FSTL4: variants seen among roughly 807,000 people sequenced by gnomAD.
The protein encoded by FSTL4 is follistatin like 4.
FSTL4 carries 28 observed loss-of-function variants against 78.2 expected under a neutral mutation model. That is an observed-to-expected ratio of 0.36 (90% confidence interval 0.27 to 0.49). The LOEUF is 0.49. Ranked by LOEUF, FSTL4 falls within the 20% of genes least tolerant of loss-of-function variation. FSTL4 has a pLI of 0.98. For synonymous variants in FSTL4, 422 were observed against 440.5 expected (o/e 0.96, Z 0.53); for missense variants, 922 against 1,084.9 (o/e 0.85, Z 2.11).
the FSTL4 span, among the ~76,000 whole-genome samples, chr5:133,792,822 T>C: frequency 6.6e-6 from 1 of 152,124 alleles, no homozygotes; most frequent in African/African-American, 2.4e-5. Flanking sequence ...TTTTATTTGC[T>C]CATAAACATT....
chr5:133,744,063 G>T, the FSTL4 span, among the ~76,000 whole-genome samples: 1 of 152,208 alleles, frequency 6.6e-6, no homozygotes. Flanking sequence ...TCAGTTCCTG[G>T]ATCAGTCCTC....
chr5:133,651,292 G>A, the FSTL4 span, among the ~76,000 whole-genome samples: 1 of 152,100 alleles, frequency 6.6e-6, no homozygotes, highest in Admixed American at 6.5e-5. Context: ...GTGGTGAGAG[G>A]GGACATCCTT....
intron 6 of FSTL4, among the ~76,000 whole-genome samples, chr5:133,275,147 A>G (rs1469799506): frequency 6.6e-6 from 1 of 151,992 alleles, no homozygotes; most frequent in African/African-American, 2.4e-5. Flanking sequence ...GCTTGTAATC[A>G]CAGCTATTCG....
At chr5:133,325,083 G>A (rs1027367070) in intron 4 of FSTL4, among the ~76,000 whole-genome samples, 3 of 152,226 alleles carry the variant, frequency 2.0e-5, no homozygotes, top group Non-Finnish European at 2.9e-5. Context: ...TTCTGGAGAG[G>A]AGGAGGAAAG....
chr5:133,263,713 G>T (rs925649262), intron 6 of FSTL4, among the ~76,000 whole-genome samples: 4 of 152,198 alleles, frequency 2.6e-5, no homozygotes, highest in African/African-American at 9.7e-5. Context: ...GTAGACAGAA[G>T]GTCAAGGATA....
intron 7 of FSTL4, chr5:133,247,345 G>A (rs1752071102): frequency 6.6e-6 from 1 of 152,218 alleles, no homozygotes; most frequent in Non-Finnish European, 1.5e-5. Context: ...TTGAGGGAGA[G>A]GAAGACCACT....
intron 3 of FSTL4, among the ~76,000 whole-genome samples, chr5:133,463,788 C>T (rs746700860): frequency 4.6e-5 from 7 of 152,068 alleles, no homozygotes; most frequent in South Asian, 2.1e-4. Flanking sequence ...GGAGAGAGAA[C>T]GAATACAAGT....
intron 3 of FSTL4, among the ~76,000 whole-genome samples, chr5:133,446,639 C>T (rs1277918115): frequency 9.2e-5 from 14 of 152,202 alleles, no homozygotes; most frequent in Non-Finnish European, 1.3e-4. Flanking sequence ...CGGGGCCCTC[C>T]GCAGGTGGGA....
At chr5:133,381,626 T>C (rs1230521226) in intron 4 of FSTL4, among the ~76,000 whole-genome samples, 1 of 152,200 alleles carries the variant, frequency 6.6e-6, no homozygotes, top group Admixed American at 6.5e-5. Flanking sequence ...AAAACACGGC[T>C]CTTGTCTTCA....
intron 2 of FSTL4, among the ~76,000 whole-genome samples, chr5:133,600,574 A>G (rs1255920092): frequency 6.6e-6 from 1 of 152,160 alleles, no homozygotes; most frequent in East Asian, 1.9e-4. Context: ...ATTTCTTTTT[A>G]TCTATGTCTG....
At chr5:133,522,933 G>A (rs897041572) in intron 3 of FSTL4, among the ~76,000 whole-genome samples, 1 of 152,154 alleles carries the variant, frequency 6.6e-6, no homozygotes, top group Non-Finnish European at 1.5e-5. Flanking sequence ...TTAAGGCATC[G>A]GAAAAAGTGT....
At chr5:133,779,897 T>C in the FSTL4 span, among the ~76,000 whole-genome samples, 4 of 152,154 alleles carry the variant, frequency 2.6e-5, no homozygotes, top group South Asian at 4.2e-4. Context: ...AGGGAAGTGT[T>C]CCCATGAAAA....
intron 14 of FSTL4, among the ~76,000 whole-genome samples, chr5:133,207,041 G>GCCTACAACA (rs1365855804): frequency 1.3e-5 from 2 of 152,010 alleles, no homozygotes; most frequent in African/African-American, 2.4e-5. Flanking sequence ...AGAAAATATA[G>GCCTACAACA]CCTACAACAT....
In FSTL4 at chr5:133,400,724, G is replaced by C. The variant is rs1355591293; in HGVS notation, c.409+14C>G. On this transcript the variant is annotated intron_variant, in intron 4 of 15. Coordinates refer to ENST00000265342, the MANE Select transcript of FSTL4 (RefSeq NM_015082.2). Reference sequence around the variant, plus strand: ...ACAAAACCCAAAACCACAGGGCAAGGGCCCTGTTCCTACCTTTGAGGAAAC... The same window carrying C: ...ACAAAACCCAAAACCACAGGGCAAGCGCCCTGTTCCTACCTTTGAGGAAAC... 1 of 1,610,170 alleles carries C rather than the reference G, an allele frequency of 6.2e-7. No individual in the cohort carries two copies. Among genetic ancestry groups the C allele is most frequent in the Non-Finnish European group, 8.5e-7 (1 of 1,176,816 alleles).
intron 3 of FSTL4, among the ~76,000 whole-genome samples, chr5:133,480,108 C>T (rs1000859543): frequency 2.0e-5 from 3 of 152,186 alleles, no homozygotes; most frequent in Non-Finnish European, 2.9e-5. Flanking sequence ...GGACCCCAGG[C>T]GAAGTTGACC....
At chr5:133,751,218 C>T in the FSTL4 span, among the ~76,000 whole-genome samples, 5 of 152,292 alleles carry the variant, frequency 3.3e-5, no homozygotes, top group Admixed American at 2.6e-4. Context: ...TTCTTCGACT[C>T]CAAGAAGACC....
chr5:133,427,549 T>C (rs763119773), intron 3 of FSTL4: 1 of 486,826 alleles, frequency 2.1e-6, no homozygotes, highest in South Asian at 1.5e-5. Context: ...TCCTCATGAG[T>C]GCTTCCAGCA....
chr5:133,493,149 A>T (rs545564999), intron 3 of FSTL4, among the ~76,000 whole-genome samples: 234 of 151,736 alleles, frequency 1.5e-3, no homozygotes, highest in Admixed American at 2.3e-3. Context: ...TTACTTTTAC[A>T]TTGTGTTTTA....
the FSTL4 span, among the ~76,000 whole-genome samples, chr5:133,691,365 G>T: frequency 6.6e-6 from 1 of 151,946 alleles, no homozygotes; most frequent in Non-Finnish European, 1.5e-5. Context: ...TGTATTCTTG[G>T]CAACACTCGG....
Sources: gnomAD v4.1 joint callset for allele counts (sites outside exome capture counted in the v4.1 genomes callset) on GRCh38, gnomAD v4.1.1 for gene constraint, MANE v1.5 for transcripts, NCBI Gene and HGNC (gene_info 2026-07-23, HGNC 2026-07-21) for gene names.